DNAJB1: variants seen among roughly 807,000 people sequenced by gnomAD.
DNAJB1 encodes DnaJ heat shock protein family (Hsp40) member B1.
A neutral mutation model predicts 24.0 loss-of-function variants in DNAJB1; 14 were observed. That is an observed-to-expected ratio of 0.58 (90% CI 0.39 to 0.91). DNAJB1 has a LOEUF of 0.91. Ranked by LOEUF, DNAJB1 falls within the 40% of genes least tolerant of loss-of-function variation. The pLI, the probability that DNAJB1 is intolerant of heterozygous loss-of-function variation, is 0.00. For synonymous variants in DNAJB1, 262 were observed against 174.4 expected (o/e 1.50, Z -3.96); for missense variants, 517 against 458.1 (o/e 1.13, Z -1.17).
chr19:14,541,167 G>A (rs796990041), intron 1 of DNAJB1, among the ~76,000 whole-genome samples: 3 of 152,000 alleles, frequency 2.0e-5, no homozygotes, highest in African/African-American at 7.2e-5. Flanking sequence ...TGGTAGAGAC[G>A]CAGTCTCACC....
chr19:14,557,114 C>CTTTAT (rs1555736112), intron 1 of DNAJB1, among the ~76,000 whole-genome samples: 1 of 140,384 alleles, frequency 7.1e-6, no homozygotes, highest in Admixed American at 7.3e-5. Flanking sequence ...TTGGTCTAAT[C>CTTTAT]TTATTTATTT....
intron 1 of DNAJB1, chr19:14,517,618 C>G (rs2146522530): frequency 6.5e-6 from 1 of 154,888 alleles, no homozygotes; most frequent in East Asian, 1.9e-4. Flanking sequence ...CTCTCCGGAC[C>G]TGGGCGGCCG....
intron 1 of DNAJB1, among the ~76,000 whole-genome samples, chr19:14,541,853 G>A (rs1042185067): frequency 1.3e-5 from 2 of 151,532 alleles, no homozygotes; most frequent in African/African-American, 4.9e-5. Flanking sequence ...CACAATCTTG[G>A]GTCACTGCAA....
upstream of DNAJB1, among the ~76,000 whole-genome samples, chr19:14,534,675 G>T (rs936501471): frequency 1.3e-5 from 2 of 152,080 alleles, no homozygotes; most frequent in African/African-American, 4.8e-5. Flanking sequence ...GGGCTCAAGC[G>T]ATCCTCCTGC....
At chr19:14,558,046 C>T (rs966758084) in intron 1 of DNAJB1, among the ~76,000 whole-genome samples, 9 of 152,152 alleles carry the variant, frequency 5.9e-5, no homozygotes, top group African/African-American at 1.7e-4. Flanking sequence ...TGAGCCACCA[C>T]GCCCGGCCTA....
chr19:14,516,437 T>C, intron 2 of DNAJB1, 29 bp downstream of exon 2: 1 of 1,597,172 alleles, frequency 6.3e-7, no homozygotes, highest in South Asian at 1.1e-5. Flanking sequence ...CATCGCCCTC[T>C]ACAGACACCG....
upstream of DNAJB1, among the ~76,000 whole-genome samples, chr19:14,520,715 C>T (rs1183166492): frequency 6.6e-6 from 1 of 152,146 alleles, no homozygotes; most frequent in Non-Finnish European, 1.5e-5. Flanking sequence ...CTAGGCTGGG[C>T]ACAGTGGCTC....
rs1363743959 is a variant in DNAJB1, at chr19:14,515,210, G to A, written c.*730C>T. On this transcript the variant is annotated 3_prime_UTR_variant, in exon 3 of 3. Coordinates refer to ENST00000254322, the MANE Select transcript of DNAJB1 (RefSeq NM_006145.3). ...CCACGTGTGCCAAGATTGCCTTACAGAAATGTAAAGAGTGTGACCCACAAA... is the reference window on the plus strand; with the variant it reads ...CCACGTGTGCCAAGATTGCCTTACAAAAATGTAAAGAGTGTGACCCACAAA... The A allele has an allele frequency of 3.3e-5, 5 of 152,614 alleles. No homozygotes were observed. Among genetic ancestry groups the A allele is most frequent in the African/African-American group, 9.7e-5 (4 of 41,450 alleles). 9.5% of individuals were successfully genotyped at this position (152,614 alleles called of 1,614,324 possible).
chr19:14,545,208 C>G, intron 1 of DNAJB1: 2 of 456,740 alleles, frequency 4.4e-6, no homozygotes, highest in Non-Finnish European at 8.8e-6. Flanking sequence ...TGTCTTGGCT[C>G]TGCTCCAGCC....
At chr19:14,539,475 C>G (rs1161343665) in intron 1 of DNAJB1, among the ~76,000 whole-genome samples, 1 of 152,118 alleles carries the variant, frequency 6.6e-6, no homozygotes, top group Non-Finnish European at 1.5e-5. Context: ...TAGGAGCACA[C>G]TGCTTCTGTT....
chr19:14,536,095 GC>G (rs764217707), intron 1 of DNAJB1, among the ~76,000 whole-genome samples: 2 of 152,064 alleles, frequency 1.3e-5, no homozygotes, highest in Non-Finnish European at 2.9e-5. Flanking sequence ...AGAGAACAAG[GC>G]CTTTTCCAGG....
chr19:14,543,419 A>ATTTTTT (rs1169742953), intron 1 of DNAJB1, among the ~76,000 whole-genome samples: 2 of 21,894 alleles, frequency 9.1e-5, no homozygotes. Flanking sequence ...ATATATATAT[A>ATTTTTT]TTTTTTTTTT....
rs71166752 is a variant in DNAJB1 at position 14,528,252 on chromosome 19, CT to C, written c.-174-443del. ...CCAGTCCCATTTCTTTTTCTTTTTT[CT>C]TTTTTTTTTTTTGAGACGGTCTGTT... On this transcript the variant is annotated intron_variant, in intron 1 of 3. Transcript: ENST00000396969. Among the ~76,000 whole-genome samples the C allele has an allele frequency of 2.0e-3, 269 of 133,208 alleles. 1 individual carries two copies. Among genetic ancestry groups the C allele is most frequent in the African/African-American group, 3.5e-3 (125 of 35,934 alleles). 87.4% of individuals were successfully genotyped at this position (133,208 alleles called of 152,430 possible).
chr19:14,521,812 G>A (rs765749463), upstream of DNAJB1, among the ~76,000 whole-genome samples: 1 of 152,170 alleles, frequency 6.6e-6, no homozygotes, highest in Non-Finnish European at 1.5e-5. Context: ...AGTAGAGATG[G>A]GGTTTCACCA....
chr19:14,526,578 C>T (rs1423587874), intron 2 of DNAJB1, among the ~76,000 whole-genome samples: 1 of 152,104 alleles, frequency 6.6e-6, no homozygotes, highest in African/African-American at 2.4e-5. Flanking sequence ...CCGGTTGACA[C>T]GCAGCATAGT....
intron 1 of DNAJB1, among the ~76,000 whole-genome samples, chr19:14,547,747 C>T (rs1764546545): frequency 6.6e-6 from 1 of 151,558 alleles, no homozygotes; most frequent in Non-Finnish European, 1.5e-5. Context: ...CAGCTTGGGC[C>T]TCCTGGGCTT....
chr19:14,543,184 C>A (rs1382691294), intron 1 of DNAJB1, among the ~76,000 whole-genome samples: 2 of 149,088 alleles, frequency 1.3e-5, no homozygotes, highest in Non-Finnish European at 1.5e-5. Context: ...TGGGGAGAAG[C>A]TGTTTCCCCA....
At chr19:14,536,174 C>G (rs2072891030) in intron 1 of DNAJB1, among the ~76,000 whole-genome samples, 1 of 151,996 alleles carries the variant, frequency 6.6e-6, no homozygotes, top group Non-Finnish European at 1.5e-5. Context: ...GGTGGCAATG[C>G]TTACGGGCTT....
At chr19:14,521,720 C>T (rs1163783651), upstream of DNAJB1, among the ~76,000 whole-genome samples, 2 of 152,120 alleles carry the variant, frequency 1.3e-5, no homozygotes, top group Non-Finnish European at 2.9e-5. Flanking sequence ...CTCCTGGGTT[C>T]AAGTGATTCT....
Sources: allele counts gnomAD v4.1 joint callset (sites outside exome capture counted in the v4.1 genomes callset), GRCh38; gene constraint gnomAD v4.1.1; transcripts MANE v1.5; gene names NCBI Gene and HGNC (gene_info 2026-07-23, HGNC 2026-07-21).